The following PRKAG1 variants were observed in gnomAD, a reference collection of about 807,000 sequenced individuals.
PRKAG1 encodes the protein 5'-AMP-activated protein kinase subunit gamma-1.
In PRKAG1, 27 loss-of-function variants were observed where a neutral mutation model predicts 48.2. The ratio of observed to expected loss-of-function variants is 0.56; its 90% confidence interval spans 0.41 to 0.77. PRKAG1 has a LOEUF of 0.77. PRKAG1 is among the 30% of genes least tolerant of loss of function. The pLI is 0.00. For synonymous variants in PRKAG1, 130 were observed against 147.7 expected, an observed-to-expected ratio of 0.88 and a Z score of 0.87; for missense variants, 287 against 398.3, an observed-to-expected ratio of 0.72 and a Z score of 2.38.
chr12:49,011,153 A>G (rs559779160), intron 2 of PRKAG1, among the ~76,000 whole-genome samples: 3 of 152,036 alleles, frequency 2.0e-5, no homozygotes, highest in Non-Finnish European at 4.4e-5. Flanking sequence ...CAATCTACCA[A>G]TCTACCGTCT....
chr12:49,015,334 C>A (rs1055697801), intron 1 of PRKAG1, among the ~76,000 whole-genome samples: 6 of 152,202 alleles, frequency 3.9e-5, no homozygotes, highest in African/African-American at 1.4e-4. Context: ...ATTATCTATC[C>A]AAACAGATTA....
At position 49,005,716 on chromosome 12, in the gene PRKAG1, G is replaced by C. The variant is rs772986682; in HGVS notation, c.168+27C>G. On this transcript the variant is annotated intron_variant, in intron 3 of 11. Transcript: ENST00000548065. The surrounding 1 kb of genome is among the most constrained non-coding windows in gnomAD (Gnocchi z 4.1). ...GGTATTAAACCACAGGCTCCAAAGG[G>C]GGAAGGGAAAAGAGGATTTCACCCA... is the stretch of plus-strand genomic sequence containing the variant. 1.9e-6 allele frequency: 3 copies of C among 1,609,094 alleles called. No homozygotes were observed. The highest frequency in any genetic ancestry group is 2.2e-5 in the East Asian group (1 of 44,842).
Position 49,018,752 on chromosome 12 carries a change from C to G in PRKAG1, c.-12G>C. ...CTCACCGTCTCCATTGCAAGAGGCG[C>G]CCGGCTTGGTTTCCTCGCTTTAGGA... On this transcript the variant is annotated 5_prime_UTR_variant, in exon 1 of 12. Coordinates refer to ENST00000548065, the MANE Select transcript of PRKAG1 (RefSeq NM_002733.5). 6.2e-7 allele frequency: 1 copy of G among 1,612,804 alleles called. No individual in the cohort carries two copies. The highest frequency in any genetic ancestry group is 1.1e-5 in the South Asian group (1 of 91,026).
intron 9 of PRKAG1, 52 bp from the exon 10 acceptor site, chr12:49,003,647 C>G: frequency 6.2e-7 from 1 of 1,612,034 alleles, no homozygotes; most frequent in Non-Finnish European, 8.5e-7. Flanking sequence ...TAAAGCTCCC[C>G]CTACTCATAG....
chr12:49,017,442 G>A, intron 1 of PRKAG1: 1 of 320,370 alleles, frequency 3.1e-6, no homozygotes, highest in East Asian at 9.2e-5. Flanking sequence ...GAACTCCTGA[G>A]CTCAAGCAAT....
chr12:49,007,066 C>A (rs1312862017), intron 2 of PRKAG1, among the ~76,000 whole-genome samples: 1 of 152,064 alleles, frequency 6.6e-6, no homozygotes, highest in African/African-American at 2.4e-5. Context: ...GGGTGGATCA[C>A]CTGAGGTCAG....
Position 49,012,809 on chromosome 12 carries a change from A to G in PRKAG1, c.58+253T>C, listed in dbSNP as rs1472724085. On this transcript the variant is annotated intron_variant, in intron 2 of 11. Transcript: ENST00000548065. ...CATGGTAGCCAGCCCAGAGTTGCCT[A>G]TGGAAGTTTTGCCTGTACCTCAGAT... The G allele has an allele frequency of 2.5e-5, 12 of 479,852 alleles. No homozygotes were observed. In the Admixed American group the frequency reaches 2.9e-4, roughly 12 times the overall value. The allele number at this position is 479,852 out of a possible 1,614,324, so 29.7% of individuals were successfully genotyped here.
At position 49,004,813 on chromosome 12, in the gene PRKAG1, C is replaced by CTTTG. The variant is rs34375562; in HGVS notation, c.410+150_410+151insCAAA. ...AGTGAGAATGAGAGAGAGAGAGAGA[C>CTTTG]TGTGTGTGTGTGTGTGTGTGTGTGT... is the stretch of plus-strand genomic sequence containing the variant. On this transcript the variant is annotated intron_variant, in intron 7 of 11. Transcript: ENST00000548065. 7.3e-5 allele frequency: 52 copies of CTTTG among 714,338 alleles called. No homozygotes were observed. In the African/African-American group the frequency reaches 1.0e-3, roughly 14 times the overall value. The allele number at this position is 714,338 out of a possible 1,614,324, so 44.2% of individuals were successfully genotyped here.
chr12:49,013,014 G>C (rs765764345), intron 2 of PRKAG1, 48 bp downstream of exon 2: 2 of 1,524,174 alleles, frequency 1.3e-6, no homozygotes, highest in Non-Finnish European at 1.8e-6. Flanking sequence ...CATTGTTAGG[G>C]TCAGGCTATT....
Position 49,005,821 on chromosome 12 carries a change from A to G in PRKAG1, c.90T>C (p.Thr30=). 1 of 1,613,100 alleles carries G rather than the reference A, an allele frequency of 6.2e-7. No homozygotes were observed. Among genetic ancestry groups the G allele is most frequent in the Non-Finnish European group, 8.5e-7 (1 of 1,179,436 alleles). ...AGCAGCGATGAGACTTCATGAAGGA[A>G]GTATACACGCTATTGTTGGATTCTG... ...ETPESNNSVY[T]SFMKSHRCYD... is the part of the protein sequence containing the mutation. Residue 30 remains threonine, a synonymous_variant, in exon 3 of 12, where the codon ACT becomes ACC. Coordinates refer to ENST00000548065, the MANE Select transcript of PRKAG1 (RefSeq NM_002733.5). This position sits in a 1 kb window ranked among gnomAD's most constrained non-coding sequence, Gnocchi z 4.1.
chr12:49,003,877 C>G lies in PRKAG1; in HGVS notation c.583G>C (p.Glu195Gln). 6.2e-7 allele frequency: 1 copy of G among 1,613,162 alleles called. No homozygotes were observed. The highest frequency in any genetic ancestry group is 8.5e-7 in the Non-Finnish European group (1 of 1,179,462). Residue 195 changes from glutamate (E) to glutamine (Q), a missense_variant, in exon 9 of 12, where the codon GAG becomes CAG. Physicochemically the swap from Glu to Gln is conservative, Grantham distance 29. Around this residue, in one of 2 missense-constraint regions of PRKAG1, gnomAD observed 224 missense variants for 344.3 expected, o/e 0.65. Coordinates refer to ENST00000548065, the MANE Select transcript of PRKAG1 (RefSeq NM_002733.5). ...TTGGCATAGGTGCCAATCTGTAGCT[C>G]TTCCAGAGACTTGGACATGAACTCT... ...KPEFMSKSLEELQIGTYANIA... is the reference protein window; with the variant it reads ...KPEFMSKSLEQLQIGTYANIA...
In PRKAG1 at chr12:49,005,309, G is replaced by A. The variant is rs982664889; in HGVS notation, c.306C>T (p.Ala102=). The change falls in exon 5 of 12, where the codon GCC becomes GCT. Residue 102 remains alanine (A), a synonymous_variant. Transcript: ENST00000548065. The surrounding 1 kb of genome is among the most constrained non-coding windows in gnomAD (Gnocchi z 4.1). ...TCATTGGGTTAAGGTTCCTTACCAA[G>A]GCTGATTTATAGTAGCGGTGCAGGA... ...INILHRYYKS[A]LVQIYELEEH... is the part of the protein sequence containing the mutation. 1 of 1,614,170 alleles carries A rather than the reference G, an allele frequency of 6.2e-7. No individual in the cohort carries two copies. Among genetic ancestry groups the A allele is most frequent in the African/African-American group, 1.3e-5 (1 of 75,040 alleles).
intron 2 of PRKAG1, among the ~76,000 whole-genome samples, chr12:49,011,553 G>A (rs543352285): frequency 1.3e-4 from 20 of 148,472 alleles, no homozygotes; most frequent in East Asian, 9.9e-4. Context: ...GATAGTTGTC[G>A]CCTTTTTTTT....
At chr12:49,006,893 C>T (rs541212095) in intron 2 of PRKAG1, among the ~76,000 whole-genome samples, 38 of 151,916 alleles carry the variant, frequency 2.5e-4, no homozygotes, top group Non-Finnish European at 4.1e-4. Flanking sequence ...TGCTTGAACC[C>T]GGGAGGCAGA....
chr12:49,018,627 G>A, intron 1 of PRKAG1, 105 bp downstream of exon 1: 2 of 1,588,244 alleles, frequency 1.3e-6, no homozygotes, highest in Non-Finnish European at 1.7e-6. Flanking sequence ...CTTTTTGTTT[G>A]CTAGACACCA....
chr12:49,015,157 G>C (rs1022044374), intron 1 of PRKAG1, among the ~76,000 whole-genome samples: 1 of 152,106 alleles, frequency 6.6e-6, no homozygotes, highest in Non-Finnish European at 1.5e-5. Flanking sequence ...AAGACTATCA[G>C]AACAACAGCC....
chr12:49,012,836 T>C, intron 2 of PRKAG1: 1 of 525,944 alleles, frequency 1.9e-6, no homozygotes, highest in Non-Finnish European at 3.4e-6. Flanking sequence ...ACCTCAGATG[T>C]TTCTCTCAAG....
chr12:49,012,863 G>T, intron 2 of PRKAG1, 199 bp downstream of exon 2: 1 of 568,152 alleles, frequency 1.8e-6, no homozygotes, highest in Non-Finnish European at 3.2e-6. Flanking sequence ...GATAATTGAA[G>T]ATATTAATCA....
At chr12:49,013,183 G>T in intron 1 of PRKAG1, 73 bp from the exon 2 acceptor site, 1 of 1,318,384 alleles carries the variant, frequency 7.6e-7, no homozygotes, top group Non-Finnish European at 1.1e-6. Flanking sequence ...TAGGGGAAGG[G>T]CTGGTGAACA....
Sources: allele counts gnomAD v4.1 joint callset (sites outside exome capture counted in the v4.1 genomes callset), GRCh38; gene constraint gnomAD v4.1.1; regional missense constraint gnomAD v4.1.1; non-coding constraint Gnocchi (gnomAD v3.1); transcripts MANE v1.5; gene names NCBI Gene and HGNC (gene_info 2026-07-23, HGNC 2026-07-21).